The following PECAM1 variants were observed in gnomAD, a reference collection of about 807,000 sequenced individuals.
PECAM1 encodes the protein platelet and endothelial cell adhesion molecule 1, also known as platelet endothelial cell adhesion molecule.
In PECAM1, 8 loss-of-function variants were observed where a neutral mutation model predicts 13.8. The observed-to-expected ratio is 0.58, with a 90% CI of 0.34 to 1.05. The LOEUF is 1.05. Among genes scored for constraint, PECAM1 ranks in the 50% least tolerant of loss-of-function variants. PECAM1 has a pLI of 0.03. For missense variants in PECAM1, 304 were observed against 141.2 expected (o/e 2.15, Z -5.84); for synonymous variants, 136 against 52.6 (o/e 2.58, Z -6.86).
At position 64,337,769 on chromosome 17, in the gene PECAM1, G is replaced by A. The variant is rs8068477; in HGVS notation, c.2164+3865C>T. On this transcript the variant is annotated intron_variant, in intron 14 of 15. Coordinates refer to ENST00000563924, the MANE Select transcript of PECAM1 (RefSeq NM_000442.5). ...AGAGAACCCACTTGAACAGCCAGCTGCCCTAAAGCAGATGAAGGAAATCAG... is the reference window on the plus strand; with the variant it reads ...AGAGAACCCACTTGAACAGCCAGCTACCCTAAAGCAGATGAAGGAAATCAG... 2.3e-3 allele frequency among the ~76,000 whole-genome samples: 355 copies of A among 152,190 alleles called. 2 individuals carry two copies. The highest frequency in any genetic ancestry group is 8.3e-3 in the African/African-American group (343 of 41,532).
At chr17:64,334,121 TAA>T (rs1182996970) in intron 14 of PECAM1, among the ~76,000 whole-genome samples, 3 of 121,116 alleles carry the variant, frequency 2.5e-5, no homozygotes, top group Non-Finnish European at 3.4e-5. Context: ...ATACAACAAT[TAA>T]AAAAAAAAAA....
At chr17:64,383,736 G>T (rs1268378945) in intron 2 of PECAM1, among the ~76,000 whole-genome samples, 2 of 152,166 alleles carry the variant, frequency 1.3e-5, no homozygotes, top group African/African-American at 4.8e-5. Flanking sequence ...TTTGGCTAAT[G>T]CACCAAGCAG....
chr17:64,322,407 T>A lies in PECAM1; in HGVS notation c.*1409A>T. ...GTCTCAAAACAACAAAACAAAAACA[T>A]AGACCTGCTCGGTTCTCTCTGTGAC... On this transcript the variant is annotated 3_prime_UTR_variant, in exon 16 of 16. Transcript: ENST00000563924. 2.0e-6 allele frequency: 2 copies of A among 986,630 alleles called. No individual in the cohort carries two copies. The highest frequency in any genetic ancestry group is 1.2e-6 in the Non-Finnish European group (1 of 830,724). The allele number at this position is 986,630 out of a possible 1,614,324, so 61.1% of individuals were successfully genotyped here. A position where few individuals can be genotyped will look rare whatever the true frequency, so the allele number is the denominator to read the frequency against.
intron 6 of PECAM1, among the ~76,000 whole-genome samples, chr17:64,362,057 G>A (rs8074422): frequency 5.9e-5 from 9 of 152,152 alleles, no homozygotes; most frequent in Non-Finnish European, 1.2e-4. Flanking sequence ...AAAGGATCGT[G>A]ACTGAATAAT....
Position 64,323,349 on chromosome 17 carries a change from AG to A in PECAM1, c.*466del, listed in dbSNP as rs1262567488. The A allele has an allele frequency of 1.9e-6, 2 of 1,079,870 alleles. No homozygotes were observed. The highest frequency in any genetic ancestry group is 2.3e-6 in the Non-Finnish European group (2 of 887,516). 66.9% of individuals were successfully genotyped at this position (1,079,870 alleles called of 1,614,324 possible). A position where few individuals can be genotyped will look rare whatever the true frequency, so the allele number is the denominator to read the frequency against. On this transcript the variant is annotated 3_prime_UTR_variant, in exon 16 of 16. Coordinates refer to ENST00000563924, the MANE Select transcript of PECAM1 (RefSeq NM_000442.5). ...TGTGTATTTCCAAAGAACAAGGACT[AG>A]CCAAAACTACAAGCCTTTGAAGGAC...
chr17:64,360,446 C>T (rs1002325407), intron 6 of PECAM1, 31 bp from the exon 7 acceptor site: 3 of 473,520 alleles, frequency 6.3e-6, no homozygotes, highest in Non-Finnish European at 1.2e-5. Flanking sequence ...ATCCAAAAGG[C>T]ACTGAAGGTA....
At chr17:64,333,203 T>C (rs1299117967) in intron 14 of PECAM1, among the ~76,000 whole-genome samples, 2 of 151,796 alleles carry the variant, frequency 1.3e-5, no homozygotes, top group Non-Finnish European at 2.9e-5. Flanking sequence ...ATTGAGTGAG[T>C]AGATTCCGTG....
chr17:64,381,098 T>C (rs1190946908), intron 2 of PECAM1, among the ~76,000 whole-genome samples: 3 of 152,202 alleles, frequency 2.0e-5, no homozygotes, highest in Non-Finnish European at 4.4e-5. Flanking sequence ...GAAGCACAGA[T>C]GCAAGCTATT....
intron 7 of PECAM1, among the ~76,000 whole-genome samples, chr17:64,357,391 C>T (rs1450952739): frequency 2.0e-5 from 3 of 152,096 alleles, no homozygotes; most frequent in Admixed American, 1.3e-4. Context: ...GCCCAGCCAG[C>T]CTCACTCCCT....
intron 14 of PECAM1, among the ~76,000 whole-genome samples, chr17:64,336,967 G>C (rs1332504369): frequency 6.6e-6 from 1 of 151,358 alleles, no homozygotes; most frequent in South Asian, 2.1e-4. Context: ...AGGAAAGAAA[G>C]GAAGAAAAAG....
chr17:64,387,825 G>C (rs1343712777), intron 2 of PECAM1, among the ~76,000 whole-genome samples: 1 of 152,188 alleles, frequency 6.6e-6, no homozygotes, highest in Non-Finnish European at 1.5e-5. Context: ...GGGGAACAAA[G>C]AGGCCTGAGA....
chr17:64,334,121 T>A (rs1245320667), intron 14 of PECAM1, among the ~76,000 whole-genome samples: 38 of 121,092 alleles, frequency 3.1e-4, no homozygotes, highest in Non-Finnish European at 3.5e-4. Flanking sequence ...ATACAACAAT[T>A]AAAAAAAAAA....
Position 64,323,691 on chromosome 17 carries a change from T to C in PECAM1, c.*125A>G. 1.3e-6 allele frequency: 2 copies of C among 1,545,014 alleles called. No individual in the cohort carries two copies. The highest frequency in any genetic ancestry group is 1.7e-6 in the Non-Finnish European group (2 of 1,143,310). On this transcript the variant is annotated 3_prime_UTR_variant, in exon 16 of 16. Transcript: ENST00000563924. ...AGAACCGGCAGCTTAGCCTGAGGAA[T>C]TGCTGTGTTCTGTGGGAGCAGGGCA...
intron 2 of PECAM1, among the ~76,000 whole-genome samples, chr17:64,383,818 A>C (rs1395772390): frequency 6.6e-6 from 1 of 152,202 alleles, no homozygotes; most frequent in Non-Finnish European, 1.5e-5. Flanking sequence ...AAGCAACTCT[A>C]ACACACATTA....
intron 14 of PECAM1, among the ~76,000 whole-genome samples, chr17:64,332,463 C>T (rs2035151265): frequency 6.6e-6 from 1 of 152,226 alleles, no homozygotes; most frequent in African/African-American, 2.4e-5. Flanking sequence ...TTACTCCATG[C>T]ACACTTGCAG....
At chr17:64,356,015 C>T (rs945852478) in intron 8 of PECAM1, 96 bp downstream of exon 8, 5 of 468,978 alleles carry the variant, frequency 1.1e-5, no homozygotes, top group Admixed American at 3.2e-5. Flanking sequence ...GTCACATAAG[C>T]TAGACTCCCC....
chr17:64,358,569 G>A (rs2035900511), intron 7 of PECAM1, among the ~76,000 whole-genome samples: 1 of 152,106 alleles, frequency 6.6e-6, no homozygotes. Flanking sequence ...TAAGCTAGAT[G>A]AAGTCTGACA....
At chr17:64,345,305 G>A (rs2035535507) in intron 13 of PECAM1, among the ~76,000 whole-genome samples, 1 of 152,298 alleles carries the variant, frequency 6.6e-6, no homozygotes, top group East Asian at 1.9e-4. Flanking sequence ...GTGTGTTCCT[G>A]GCTGCCTCTC....
At chr17:64,334,983 G>A (rs2035234532) in intron 14 of PECAM1, among the ~76,000 whole-genome samples, 1 of 152,098 alleles carries the variant, frequency 6.6e-6, no homozygotes, top group East Asian at 1.9e-4. Context: ...CAATCAGAAA[G>A]GAACATGCTG....
Sources: allele counts gnomAD v4.1 joint callset (sites outside exome capture counted in the v4.1 genomes callset), GRCh38; gene constraint gnomAD v4.1.1; transcripts MANE v1.5; gene names NCBI Gene and HGNC (gene_info 2026-07-23, HGNC 2026-07-21).